PALS2: variants seen among roughly 807,000 people sequenced by gnomAD.
PALS2 encodes protein PALS2.
A neutral mutation model predicts 61.6 loss-of-function variants in PALS2; 27 were observed. The ratio of observed to expected loss-of-function variants is 0.44; its 90% CI spans 0.32 to 0.60. The LOEUF (loss-of-function observed/expected upper bound fraction) is 0.60. Ranked by LOEUF, PALS2 falls within the 20% of genes least tolerant of loss-of-function variation. The pLI is 0.05. For synonymous variants in PALS2, 236 were observed against 218.6 expected (o/e 1.08, Z -0.70); for missense variants, 554 against 639.4 (o/e 0.87, Z 1.44).
intron 2 of PALS2, among the ~76,000 whole-genome samples, chr7:24,640,411 G>A (rs929644853): frequency 7.9e-5 from 12 of 151,824 alleles, no homozygotes; most frequent in African/African-American, 2.9e-4. Flanking sequence ...TCCACTCTAT[G>A]GTAAAAATAA....
At chr7:24,628,081 C>G (rs1784828289) in intron 2 of PALS2, among the ~76,000 whole-genome samples, 1 of 152,304 alleles carries the variant, frequency 6.6e-6, no homozygotes, top group Middle Eastern at 3.4e-3. Context: ...AAATTTCAGG[C>G]CAATATCCCT....
intron 11 of PALS2, among the ~76,000 whole-genome samples, chr7:24,685,654 T>TG (rs1363705973): frequency 2.0e-5 from 3 of 151,756 alleles, no homozygotes; most frequent in African/African-American, 7.3e-5. Context: ...AGGGTTTTTT[T>TG]TTTTTTTTTT....
rs1288493928 is a variant in PALS2 at position 24,689,786 on chromosome 7, A to G, written c.*2172A>G. On this transcript the variant is annotated 3_prime_UTR_variant, in exon 12 of 12. Transcript: ENST00000222644. ...AAGCACAGTATCAAGGTGATGCCCT[A>G]TGACAATGTTTCAACACACACTTGA... 1 of 150,742 alleles carries G rather than the reference A, an allele frequency of 6.6e-6. No individual in the cohort carries two copies. The highest frequency in any genetic ancestry group is 1.9e-4 in the East Asian group (1 of 5,198). The allele number at this position is 150,742 out of a possible 1,614,324, so 9.3% of individuals were successfully genotyped here.
chr7:24,592,839 CTT>C (rs893766388), intron 1 of PALS2, among the ~76,000 whole-genome samples: 5 of 152,046 alleles, frequency 3.3e-5, no homozygotes, highest in South Asian at 2.1e-4. Flanking sequence ...GAGTTGAAGT[CTT>C]TTGCTGGTGG....
intron 1 of PALS2, among the ~76,000 whole-genome samples, chr7:24,595,400 A>G (rs1170405079): frequency 7.7e-5 from 11 of 142,692 alleles, no homozygotes; most frequent in Non-Finnish European, 1.2e-4. Context: ...ATTTATATAT[A>G]TATAAAAAAT....
At position 24,596,710 on chromosome 7, in the gene PALS2, G is replaced by GA. The variant is rs1229857679; in HGVS notation, c.-3+23124dup. 6.6e-6 allele frequency among the ~76,000 whole-genome samples: 1 copy of GA among 151,926 alleles called. No homozygotes were observed. Among genetic ancestry groups the GA allele is most frequent in the Non-Finnish European group, 1.5e-5 (1 of 67,966 alleles). The stretch of plus-strand genomic sequence containing the variant: ...ATTTATTTGAGCTCTGTTTAAAAAG[G>GA]AAAAAAAGGACTCTCCGTATATCTA... On this transcript the variant is annotated intron_variant, in intron 1 of 11. Coordinates refer to ENST00000222644, the MANE Select transcript of PALS2 (RefSeq NM_001303037.2). The surrounding 1 kb of genome is among the most constrained non-coding windows in gnomAD (Gnocchi z 4.5).
At chr7:24,684,287 A>G (rs968910556) in intron 11 of PALS2, among the ~76,000 whole-genome samples, 3 of 152,190 alleles carry the variant, frequency 2.0e-5, no homozygotes, top group Admixed American at 6.5e-5. Flanking sequence ...TTTAGTAGAG[A>G]TGGCGTTTCA....
chr7:24,683,671 G>A (rs1367532252), intron 11 of PALS2, among the ~76,000 whole-genome samples: 2 of 152,192 alleles, frequency 1.3e-5, no homozygotes, highest in African/African-American at 2.4e-5. Flanking sequence ...AGGGTAAATG[G>A]TGTTTTAAGA....
intron 5 of PALS2, among the ~76,000 whole-genome samples, chr7:24,654,421 C>G (rs1036833042): frequency 1.3e-5 from 2 of 152,126 alleles, no homozygotes; most frequent in South Asian, 4.2e-4. Context: ...TAGAGTTTAC[C>G]AAGGTACCTG....
intron 1 of PALS2, among the ~76,000 whole-genome samples, chr7:24,592,967 A>G (rs929465923): frequency 1.3e-5 from 2 of 152,050 alleles, no homozygotes; most frequent in Non-Finnish European, 1.5e-5. Flanking sequence ...CCACATTGGT[A>G]GACTCTTTTT....
At chr7:24,683,815 A>C (rs1031329698) in intron 11 of PALS2, among the ~76,000 whole-genome samples, 7 of 152,276 alleles carry the variant, frequency 4.6e-5, no homozygotes, top group Middle Eastern at 3.4e-3. Context: ...ATTTATTCTG[A>C]TATTTTCCAA....
rs182266447 is a variant in PALS2 at position 24,593,009 on chromosome 7, T to G, written c.-3+19416T>G. 4.5e-3 allele frequency among the ~76,000 whole-genome samples: 689 copies of G among 152,280 alleles called. 2 individuals carry two copies. The highest frequency in any genetic ancestry group is 6.1e-3 in the Non-Finnish European group (418 of 68,010). ...AAGATTTATTGGTAATATGTGCTGC[T>G]GTTTGAGAACATTTTATCTATAGTA... On this transcript the variant is annotated intron_variant, in intron 1 of 11. Coordinates refer to ENST00000222644, the MANE Select transcript of PALS2 (RefSeq NM_001303037.2).
At position 24,665,593 on chromosome 7, in the gene PALS2, C is replaced by T; in HGVS notation, c.789C>T (p.Ser263=). The change falls in exon 7 of 12, where the codon AGC becomes AGT. Residue 263 remains serine (S), a synonymous_variant. Transcript: ENST00000222644. ...ATTCATTAATTTGATTCTAGGCTAG[C>T]CATGTAAAAGAGGGAGGAAGCGCTG... The part of the protein sequence containing the change: ...NREDPNWWQA[S]HVKEGGSAGL... 1 of 1,613,268 alleles carries T rather than the reference C, an allele frequency of 6.2e-7. No homozygotes were observed. Among genetic ancestry groups the T allele is most frequent in the Non-Finnish European group, 8.5e-7 (1 of 1,179,440 alleles).
chr7:24,620,947 TC>T (rs946713898), intron 1 of PALS2, among the ~76,000 whole-genome samples: 14 of 152,122 alleles, frequency 9.2e-5, no homozygotes, highest in Admixed American at 7.2e-4. Context: ...TTTGAAGTTT[TC>T]CATAATAAAA....
chr7:24,677,812 C>CT (rs1201492253), intron 9 of PALS2, among the ~76,000 whole-genome samples: 1 of 152,184 alleles, frequency 6.6e-6, no homozygotes, highest in Non-Finnish European at 1.5e-5. Context: ...TCACAGTAGT[C>CT]TAAGACGACC....
In PALS2 at chr7:24,599,525, T is replaced by TTTTTTTTG. The variant is rs4000763; in HGVS notation, c.-2-24141_-2-24140insTTTTTTTG. ...ATAAGCTTTTTTTTTTTTTTTTTTT[T>TTTTTTTTG]ATGGAGTCTTGCCCTGTCACCCAGG... On this transcript the variant is annotated intron_variant, in intron 1 of 11. Coordinates refer to ENST00000222644, the MANE Select transcript of PALS2 (RefSeq NM_001303037.2). Among the ~76,000 whole-genome samples, 262 of 143,658 alleles carry TTTTTTTTG rather than the reference T, an allele frequency of 1.8e-3. 2 individuals are homozygous for TTTTTTTTG. Among genetic ancestry groups the TTTTTTTTG allele is most frequent in the Non-Finnish European group, 2.7e-3 (179 of 65,618 alleles). The allele number at this position is 143,658 out of a possible 152,430, so 94.2% of individuals were successfully genotyped here. A position where few individuals can be genotyped will look rare whatever the true frequency, so the allele number is the denominator to read the frequency against.
chr7:24,605,619 G>C (rs12154821), intron 1 of PALS2, among the ~76,000 whole-genome samples: 175 of 151,952 alleles, frequency 1.2e-3, no homozygotes, highest in African/African-American at 3.5e-3. Context: ...GGTCTATAAA[G>C]ACATAAAGAA....
At chr7:24,603,678 A>G (rs1307700203) in intron 1 of PALS2, among the ~76,000 whole-genome samples, 1 of 152,240 alleles carries the variant, frequency 6.6e-6, no homozygotes. Context: ...CTGTTGGAGC[A>G]CAATATTGGT....
chr7:24,610,166 A>T (rs1283474489), intron 1 of PALS2, among the ~76,000 whole-genome samples: 1 of 152,110 alleles, frequency 6.6e-6, no homozygotes. Context: ...TTATTTAGCA[A>T]TAACAAACCT....
Sources: gnomAD v4.1 joint callset for allele counts (sites outside exome capture counted in the v4.1 genomes callset) on GRCh38, gnomAD v4.1.1 for gene constraint, Gnocchi (gnomAD v3.1) non-coding constraint, MANE v1.5 for transcripts, NCBI Gene and HGNC (gene_info 2026-07-23, HGNC 2026-07-21) for gene names.